PRKX: variants seen among roughly 807,000 people sequenced by gnomAD.
PRKX encodes protein kinase cAMP-dependent X-linked catalytic subunit.
PRKX carries 12 observed loss-of-function variants against 22.0 expected under a neutral mutation model. The ratio of observed to expected loss-of-function variants is 0.54; its 90% CI spans 0.35 to 0.88. The LOEUF (loss-of-function observed/expected upper bound fraction) is 0.88. Ranked by LOEUF, PRKX falls within the 40% of genes least tolerant of loss-of-function variation. The probability of loss-of-function intolerance (pLI) is 0.01; values close to 1 mark genes in which losing one functional copy is unlikely to be tolerated. For missense variants in PRKX, 217 were observed against 308.0 expected (o/e 0.70, Z 2.21); for synonymous variants, 134 against 137.7 (o/e 0.97, Z 0.19).
intron 8 of PRKX, among the ~76,000 whole-genome samples, chrX:3,609,557 C>T (rs998061446): frequency 1.7e-4 from 19 of 111,210 alleles, no homozygotes; most frequent in African/African-American, 5.2e-4. Context: ...CAGGCCCAAG[C>T]GAGCCTCTCA....
At chrX:3,710,383 C>T (rs1429405719) in intron 1 of PRKX, among the ~76,000 whole-genome samples, 4 of 111,729 alleles carry the variant, frequency 3.6e-5, no homozygotes, top group Admixed American at 9.5e-5. Flanking sequence ...CAATCTAGAA[C>T]GCTGACAAGT....
At chrX:3,711,708 G>C (rs1166761375) in intron 1 of PRKX, among the ~76,000 whole-genome samples, 2 of 110,991 alleles carry the variant, frequency 1.8e-5, no homozygotes, top group Non-Finnish European at 3.8e-5. Context: ...ATTAGACCAG[G>C]ACAGCTTTCC....
At chrX:3,702,122 C>A (rs1162628442) in intron 1 of PRKX, among the ~76,000 whole-genome samples, 1 of 111,958 alleles carries the variant, frequency 8.9e-6, no homozygotes, top group Non-Finnish European at 1.9e-5. Flanking sequence ...GGACCCCTTT[C>A]TGTTAACAGC....
intron 2 of PRKX, among the ~76,000 whole-genome samples, chrX:3,657,083 TCAATA>T (rs1294585943): frequency 1.8e-5 from 2 of 111,983 alleles, no homozygotes; most frequent in African/African-American, 6.5e-5. Flanking sequence ...GGTTACTGTC[TCAATA>T]TATGAATTTG....
At chrX:3,703,371 T>A (rs1928616824) in intron 1 of PRKX, among the ~76,000 whole-genome samples, 2 of 111,962 alleles carry the variant, frequency 1.8e-5, no homozygotes, top group Non-Finnish European at 3.8e-5. Context: ...CTGGAAGAAC[T>A]GCCCAGAGGT....
Position 3,713,385 on chromosome X carries a change from T to C in PRKX, c.-132A>G, listed in dbSNP as rs1450202260. The C allele has an allele frequency of 9.3e-6, 5 of 535,355 alleles. No homozygotes were observed. Among genetic ancestry groups the C allele is most frequent in the Non-Finnish European group, 1.3e-5 (5 of 391,817 alleles). The allele number at this position is 535,355 out of a possible 1,213,427, so 44.1% of individuals were successfully genotyped here. On this transcript the variant is annotated 5_prime_UTR_variant, in exon 1 of 9. Transcript: ENST00000262848. The stretch of plus-strand genomic sequence containing the variant: ...GCTCCCCATGCGCGCTCTCGCCTCC[T>C]GGTGCGCGGTCCGGCGCGGCTGACG...
chrX:3,637,824 T>C (rs34997314), intron 4 of PRKX, among the ~76,000 whole-genome samples: 26,450 of 105,304 alleles, frequency 0.25, 3,232 homozygotes, highest in Admixed American at 0.42. Flanking sequence ...TGGAGTGCAG[T>C]GGTGCGATCT....
intron 1 of PRKX, among the ~76,000 whole-genome samples, chrX:3,678,843 G>T (rs1231399760): frequency 4.5e-5 from 5 of 111,552 alleles, no homozygotes; most frequent in Admixed American, 2.9e-4. Context: ...TCTATTTGTA[G>T]CCTTCTCTGC....
intron 8 of PRKX, 150 bp downstream of exon 8, chrX:3,612,027 C>T (rs1232136144): frequency 6.5e-6 from 3 of 463,606 alleles, no homozygotes; most frequent in South Asian, 4.8e-5. Flanking sequence ...GTGTTTATTT[C>T]GCTGACCCTT....
chrX:3,685,884 A>C (rs1928169007), intron 1 of PRKX, among the ~76,000 whole-genome samples: 1 of 111,633 alleles, frequency 9.0e-6, no homozygotes, highest in Admixed American at 9.5e-5. Flanking sequence ...TGTCTCTACA[A>C]AAAATTTAAA....
At chrX:3,670,551 C>T (rs984356057) in intron 2 of PRKX, among the ~76,000 whole-genome samples, 3 of 111,684 alleles carry the variant, frequency 2.7e-5, no homozygotes, top group African/African-American at 9.8e-5. Flanking sequence ...CATTGTTTTT[C>T]GGATTCTTTT....
intron 1 of PRKX, among the ~76,000 whole-genome samples, chrX:3,710,712 G>A (rs1890763748): frequency 8.9e-6 from 1 of 112,057 alleles, no homozygotes; most frequent in African/African-American, 3.2e-5. Flanking sequence ...GGATTGCTCA[G>A]CTGGCAATCT....
At chrX:3,614,765 A>T (rs1423071639) in intron 7 of PRKX, among the ~76,000 whole-genome samples, 1 of 111,268 alleles carries the variant, frequency 9.0e-6, no homozygotes, top group East Asian at 2.8e-4. Flanking sequence ...GAATAGCTAG[A>T]TTTGCAATAT....
In PRKX at chrX:3,713,318, G is replaced by GA; in HGVS notation, c.-66dup. 1.1e-6 allele frequency: 1 copy of GA among 915,954 alleles called. No homozygotes were observed. The highest frequency in any genetic ancestry group is 1.4e-6 in the Non-Finnish European group (1 of 731,069). 75.5% of individuals were successfully genotyped at this position (915,954 alleles called of 1,213,427 possible). Reference sequence around the variant, plus strand: ...GCGCTCGGGGAGCCGGGCTTCCCGGGACGCAGCCTCGGAGGGCGGCGCGGC... The same window carrying GA: ...GCGCTCGGGGAGCCGGGCTTCCCGGGAACGCAGCCTCGGAGGGCGGCGCGGC... On this transcript the variant is annotated 5_prime_UTR_variant, in exon 1 of 9. Transcript: ENST00000262848.
intron 8 of PRKX, among the ~76,000 whole-genome samples, chrX:3,609,949 C>T (rs376121837): frequency 1.6e-4 from 18 of 111,724 alleles, no homozygotes; most frequent in East Asian, 1.1e-3. Flanking sequence ...TCCTCCTCCA[C>T]ATTCAGAAAG....
At chrX:3,628,731 G>T (rs1292445773) in intron 4 of PRKX, among the ~76,000 whole-genome samples, 1 of 110,175 alleles carries the variant, frequency 9.1e-6, no homozygotes, top group African/African-American at 3.3e-5. Context: ...GTGAGACCTT[G>T]TCTCAAAATA....
At chrX:3,637,470 T>C (rs12860581) in intron 4 of PRKX, among the ~76,000 whole-genome samples, 15 of 110,906 alleles carry the variant, frequency 1.4e-4, no homozygotes, top group Non-Finnish European at 2.8e-4. Context: ...CTTGGGGTGG[T>C]CCAGGCGAGC....
chrX:3,632,358 C>T (rs768634801), intron 4 of PRKX, among the ~76,000 whole-genome samples: 13 of 111,096 alleles, frequency 1.2e-4, no homozygotes, highest in Non-Finnish European at 2.1e-4. Context: ...CCGCCTCAGA[C>T]GTTAACAACC....
At chrX:3,616,303 G>T (rs1157186271) in intron 6 of PRKX, among the ~76,000 whole-genome samples, 1 of 111,380 alleles carries the variant, frequency 9.0e-6, no homozygotes, top group African/African-American at 3.3e-5. Context: ...AATTTGCTCC[G>T]TAGGACCCAG....
Sources: gnomAD v4.1 joint callset for allele counts (sites outside exome capture counted in the v4.1 genomes callset) on GRCh38, gnomAD v4.1.1 for gene constraint, MANE v1.5 for transcripts, NCBI Gene and HGNC (gene_info 2026-07-23, HGNC 2026-07-21) for gene names.